The following RBFOX1 variants were observed in gnomAD, a reference collection of about 807,000 sequenced individuals.
RBFOX1 encodes the protein RNA binding fox-1 homolog 1, also known as RNA binding protein fox-1 homolog 1.
Under a neutral mutation model 57.7 loss-of-function variants are expected in RBFOX1, and 8 were observed. The ratio of observed to expected loss-of-function variants is 0.14; its 90% CI spans 0.08 to 0.25. The LOEUF is 0.25. Ranked by LOEUF, RBFOX1 falls within the 10% of genes least tolerant of loss-of-function variation. RBFOX1 has a pLI of 1.00. For synonymous variants in RBFOX1, 326 were observed against 222.4 expected (o/e 1.47, Z -4.15); for missense variants, 611 against 548.5 (o/e 1.11, Z -1.14).
chr16:6,854,404 T>C (rs1244537790), intron 3 of RBFOX1, among the ~76,000 whole-genome samples: 1 of 152,014 alleles, frequency 6.6e-6, no homozygotes, highest in African/African-American at 2.4e-5. Flanking sequence ...GAATATTTTA[T>C]ATAAATATAG....
chr16:7,138,127 G>A (rs2072572169), intron 4 of RBFOX1, among the ~76,000 whole-genome samples: 1 of 152,106 alleles, frequency 6.6e-6, no homozygotes, highest in Non-Finnish European at 1.5e-5. Context: ...CATACAGAAA[G>A]CGCTGTTGAC....
At chr16:6,211,444 G>A (rs917518200) in intron 1 of RBFOX1, among the ~76,000 whole-genome samples, 2 of 151,980 alleles carry the variant, frequency 1.3e-5, no homozygotes, top group African/African-American at 4.8e-5. Context: ...TAGCCAGGAT[G>A]GTCTTGATCT....
rs74008728 is a variant in RBFOX1 at position 7,091,878 on chromosome 16, T to G, written c.27+39780T>G. ...AGAGATTATGCAGAAGTTGCAGATA[T>G]AGAGTTGCTTTATTGTCTTGGATCA... On this transcript the variant is annotated intron_variant, in intron 4 of 15. Transcript: ENST00000550418. Among the ~76,000 whole-genome samples, 1,142 of 152,370 alleles carry G rather than the reference T, an allele frequency of 7.5e-3. 15 individuals carry two copies. The highest frequency in any genetic ancestry group is 0.027 in the African/African-American group (1,104 of 41,600).
chr16:5,863,988 A>G (rs1485689860), intron 3 of RBFOX1, among the ~76,000 whole-genome samples: 2 of 152,200 alleles, frequency 1.3e-5, no homozygotes, highest in African/African-American at 2.4e-5. Flanking sequence ...TTTGTTGTAC[A>G]GATGATTTCA....
rs190125423 is a variant in RBFOX1 at position 5,537,450 on chromosome 16, A to G, written c.259-61452A>G. 2.4e-3 allele frequency among the ~76,000 whole-genome samples: 368 copies of G among 152,364 alleles called. 3 individuals carry two copies. Among genetic ancestry groups the G allele is most frequent in the African/African-American group, 8.4e-3 (351 of 41,594 alleles). The stretch of plus-strand genomic sequence containing the variant: ...TATTTTATAGTTATGTAGGCCAGAC[A>G]TCTGGCATGGGTCTTACTGGGTTGA... On this transcript the variant is annotated intron_variant, in intron 2 of 2. Coordinates refer to the RBFOX1 transcript ENST00000585867.
intron 1 of RBFOX1, among the ~76,000 whole-genome samples, chr16:5,365,642 T>A (rs1205753987): frequency 1.3e-5 from 2 of 152,160 alleles, no homozygotes; most frequent in African/African-American, 4.8e-5. Context: ...TACTCCAGCC[T>A]GGGTGACGGA....
At chr16:7,097,962 A>G (rs1044937151) in intron 4 of RBFOX1, among the ~76,000 whole-genome samples, 4 of 152,202 alleles carry the variant, frequency 2.6e-5, no homozygotes, top group African/African-American at 7.2e-5. Context: ...AAACAGTTTA[A>G]TAATAGTGAG....
chr16:7,281,341 T>C (rs562331095), intron 4 of RBFOX1, among the ~76,000 whole-genome samples: 15 of 151,036 alleles, frequency 9.9e-5, no homozygotes, highest in Non-Finnish European at 2.1e-4. Context: ...GCTTGGGGGG[T>C]AGTTTAGCAT....
At chr16:6,603,898 G>C (rs11649176) in intron 2 of RBFOX1, among the ~76,000 whole-genome samples, 3 of 151,846 alleles carry the variant, frequency 2.0e-5, no homozygotes, top group Admixed American at 1.3e-4. Context: ...CCCACACTTT[G>C]TGATGTGTCT....
At chr16:6,633,848 A>G (rs927088938) in intron 2 of RBFOX1, among the ~76,000 whole-genome samples, 2 of 152,124 alleles carry the variant, frequency 1.3e-5, no homozygotes, top group African/African-American at 4.8e-5. Flanking sequence ...TCTCTATAAA[A>G]AAATAAAAAT....
intron 2 of RBFOX1, among the ~76,000 whole-genome samples, chr16:6,336,417 GA>G (rs2083761567): frequency 1.3e-5 from 2 of 151,570 alleles, no homozygotes; most frequent in Non-Finnish European, 2.9e-5. Flanking sequence ...AGTCTCAGTT[GA>G]AATGGGGACC....
intron 3 of RBFOX1, among the ~76,000 whole-genome samples, chr16:6,709,325 T>A (rs891597427): frequency 2.0e-5 from 3 of 152,160 alleles, no homozygotes; most frequent in African/African-American, 7.2e-5. Flanking sequence ...TTCTCCGAGA[T>A]TAATTAAAGG....
At chr16:6,272,016 A>G (rs553119417) in intron 1 of RBFOX1, among the ~76,000 whole-genome samples, 59 of 152,290 alleles carry the variant, frequency 3.9e-4, no homozygotes, top group African/African-American at 1.3e-3. Flanking sequence ...AAAACTGTAG[A>G]CTAATATTCT....
intron 4 of RBFOX1, among the ~76,000 whole-genome samples, chr16:7,272,433 C>G (rs1165264440): frequency 6.6e-6 from 1 of 152,196 alleles, no homozygotes; most frequent in African/African-American, 2.4e-5. Flanking sequence ...ATCCACCTGC[C>G]TCAGTATCCC....
At chr16:6,229,262 T>G (rs151089836) in intron 1 of RBFOX1, among the ~76,000 whole-genome samples, 1 of 152,308 alleles carries the variant, frequency 6.6e-6, no homozygotes, top group Non-Finnish European at 1.5e-5. Context: ...AAAGCAAACC[T>G]CTTTCTCCAA....
intron 4 of RBFOX1, among the ~76,000 whole-genome samples, chr16:7,248,143 GC>G (rs143573925): frequency 5.7e-4 from 87 of 152,328 alleles, no homozygotes; most frequent in African/African-American, 2.0e-3. Context: ...GAGGGAGATG[GC>G]TCTCAGTTTT....
chr16:6,792,369 A>C (rs189104133), intron 3 of RBFOX1, among the ~76,000 whole-genome samples: 5 of 152,322 alleles, frequency 3.3e-5, no homozygotes, highest in African/African-American at 1.2e-4. Flanking sequence ...CTATAATTGC[A>C]TATCTTTATG....
At chr16:5,240,307 C>T (rs1307320328) in intron 1 of RBFOX1, among the ~76,000 whole-genome samples, 3 of 151,994 alleles carry the variant, frequency 2.0e-5, no homozygotes, top group African/African-American at 7.2e-5. Context: ...GCTTCGACTT[C>T]CTGATTCTCC....
intron 4 of RBFOX1, among the ~76,000 whole-genome samples, chr16:7,474,036 C>T (rs2062105155): frequency 6.6e-6 from 1 of 152,062 alleles, no homozygotes; most frequent in Admixed American, 6.6e-5. Flanking sequence ...CGCCTGTGGT[C>T]CCAGCACTTT....
Sources: allele counts gnomAD v4.1 joint callset (sites outside exome capture counted in the v4.1 genomes callset), GRCh38; gene constraint gnomAD v4.1.1; transcripts MANE v1.5; gene names NCBI Gene and HGNC (gene_info 2026-07-23, HGNC 2026-07-21).